IFFO2: variants seen among roughly 807,000 people sequenced by gnomAD.
IFFO2 encodes intermediate filament family orphan 2.
Under a neutral mutation model 53.5 loss-of-function variants are expected in IFFO2, and 19 were observed. The ratio of observed to expected loss-of-function variants is 0.36; its 90% confidence interval spans 0.25 to 0.52. The LOEUF is 0.52. Ranked by LOEUF, IFFO2 falls within the 20% of genes least tolerant of loss-of-function variation. The probability of loss-of-function intolerance (pLI) is 0.94; values close to 1 mark genes in which losing one functional copy is unlikely to be tolerated. For synonymous variants in IFFO2, 303 were observed against 313.6 expected, an observed-to-expected ratio of 0.97 and a Z score of 0.36; for missense variants, 570 against 727.4, an observed-to-expected ratio of 0.78 and a Z score of 2.49.
chr1:18,906,311 C>G lies in IFFO2; in HGVS notation c.*2250G>C, dbSNP rs1043584101. The G allele has an allele frequency of 5.9e-5, 9 of 152,202 alleles. No homozygotes were observed. Among genetic ancestry groups the G allele is most frequent in the Non-Finnish European group, 2.9e-5 (2 of 68,042 alleles). 9.4% of individuals were successfully genotyped at this position (152,202 alleles called of 1,614,324 possible). A position where few individuals can be genotyped will look rare whatever the true frequency, so the allele number is the denominator to read the frequency against. ...TACAAGGAGGAAAGTAAAAATAATA[C>G]CGCCGGACACCGATAACCACAGTAA... On this transcript the variant is annotated 3_prime_UTR_variant, in exon 9 of 9. Coordinates refer to ENST00000455833, the MANE Select transcript of IFFO2 (RefSeq NM_001136265.2).
Position 18,919,576 on chromosome 1 carries a change from T to A in IFFO2, c.822+102A>T, listed in dbSNP as rs1936187421. 1 of 779,870 alleles carries A rather than the reference T, an allele frequency of 1.3e-6. No homozygotes were observed. Among genetic ancestry groups the A allele is most frequent in the Admixed American group, 2.1e-5 (1 of 47,848 alleles). 48.3% of individuals were successfully genotyped at this position (779,870 alleles called of 1,614,324 possible). A position where few individuals can be genotyped will look rare whatever the true frequency, so the allele number is the denominator to read the frequency against. ...ATGGTCAAACACAGCCAGCCAGGAT[T>A]CTAACTAGAAGCCGAGCCCCGGAGC... On this transcript the variant is annotated intron_variant, in intron 3 of 8. Transcript: ENST00000455833. This position sits in a 1 kb window ranked among gnomAD's most constrained non-coding sequence, Gnocchi z 4.9.
rs1935950344 is a variant in IFFO2, at chr1:18,906,475, A to G, written c.*2086T>C. On this transcript the variant is annotated 3_prime_UTR_variant, in exon 9 of 9. Coordinates refer to ENST00000455833, the MANE Select transcript of IFFO2 (RefSeq NM_001136265.2). ...CGAAACTCCCATACCACATTGTCCAATGCCTCCCTCGGCCCTGGACGGAGG... is the reference window on the plus strand; with the variant it reads ...CGAAACTCCCATACCACATTGTCCAGTGCCTCCCTCGGCCCTGGACGGAGG... 2 of 152,120 alleles carry G rather than the reference A, an allele frequency of 1.3e-5. No individual in the cohort carries two copies. Among genetic ancestry groups the G allele is most frequent in the African/African-American group, 4.8e-5 (2 of 41,410 alleles). 9.4% of individuals were successfully genotyped at this position (152,120 alleles called of 1,614,324 possible). A position where few individuals can be genotyped will look rare whatever the true frequency, so the allele number is the denominator to read the frequency against.
At chr1:18,909,553 C>T (rs953431239) in intron 8 of IFFO2, among the ~76,000 whole-genome samples, 9 of 152,116 alleles carry the variant, frequency 5.9e-5, no homozygotes, top group Admixed American at 1.3e-4. Flanking sequence ...GGGGCGGTTT[C>T]CCCCATCCTG....
chr1:18,917,078 G>A lies in IFFO2; in HGVS notation c.964-36C>T. On this transcript the variant is annotated intron_variant, in intron 4 of 8. Transcript: ENST00000455833. The surrounding 1 kb of genome is among the most constrained non-coding windows in gnomAD (Gnocchi z 5.9). The stretch of plus-strand genomic sequence containing the variant: ...AAGGAAGCAATCAAGGTAACTGGGG[G>A]GCTCGGCTAGGATGGAAGGTAGGGG... The A allele has an allele frequency of 1.3e-6, 2 of 1,549,870 alleles. No individual in the cohort carries two copies. Among genetic ancestry groups the A allele is most frequent in the African/African-American group, 1.4e-5 (1 of 73,152 alleles).
intron 1 of IFFO2, among the ~76,000 whole-genome samples, chr1:18,923,989 A>G (rs1181375189): frequency 6.6e-6 from 1 of 152,086 alleles, no homozygotes. Context: ...AAATGATTTC[A>G]CGGGCTTTTT....
chr1:18,924,875 C>G (rs1936260952), intron 1 of IFFO2, among the ~76,000 whole-genome samples: 2 of 152,226 alleles, frequency 1.3e-5, no homozygotes, highest in Admixed American at 1.3e-4. Context: ...CCAGTGCTCT[C>G]TGCAGGGCCT....
intron 1 of IFFO2, among the ~76,000 whole-genome samples, chr1:18,934,889 A>G (rs1428378019): frequency 6.6e-6 from 1 of 152,230 alleles, no homozygotes; most frequent in Non-Finnish European, 1.5e-5. Context: ...AGTCCTTGCA[A>G]TCTAAACAAG....
In IFFO2 at chr1:18,956,267, G is replaced by A. The variant is rs1368731624; in HGVS notation, c.66C>T (p.Gly22=). The part of the protein sequence containing the change: ...LAFGCPPGGG[G]GGCPGGGGGG... ...CGCCGCCCCCGCCAGGGCAGCCCCC[G>A]CCGCCGCCGCCCGGCGGGCAGCCGA... Residue 22 remains glycine, a synonymous_variant, in exon 1 of 9, where the codon GGC becomes GGT. Coordinates refer to ENST00000455833, the MANE Select transcript of IFFO2 (RefSeq NM_001136265.2). This position sits in a 1 kb window ranked among gnomAD's most constrained non-coding sequence, Gnocchi z 6.4. 2.4e-6 allele frequency: 2 copies of A among 825,644 alleles called. No homozygotes were observed. The highest frequency in any genetic ancestry group is 5.2e-5 in the Admixed American group (1 of 19,396). 51.1% of individuals were successfully genotyped at this position (825,644 alleles called of 1,614,324 possible). A position where few individuals can be genotyped will look rare whatever the true frequency, so the allele number is the denominator to read the frequency against.
At chr1:18,925,848 A>ATTGGT (rs1936278377) in intron 1 of IFFO2, among the ~76,000 whole-genome samples, 1 of 45,208 alleles carries the variant, frequency 2.2e-5, no homozygotes, top group Non-Finnish European at 4.4e-5. Flanking sequence ...GGATGGATGG[A>ATTGGT]TGGATTGGTT....
chr1:18,910,614 G>C (rs745981988), intron 7 of IFFO2, 142 bp from the exon 8 acceptor site: 26 of 884,454 alleles, frequency 2.9e-5, no homozygotes, highest in Non-Finnish European at 4.5e-5. Flanking sequence ...CCTGCCTCCG[G>C]ACATCAACCT....
intron 1 of IFFO2, among the ~76,000 whole-genome samples, chr1:18,932,618 A>G (rs1270801834): frequency 6.6e-6 from 1 of 152,224 alleles, no homozygotes; most frequent in Non-Finnish European, 1.5e-5. Flanking sequence ...CACACTTAGC[A>G]CAGTGCCCAG....
intron 5 of IFFO2, among the ~76,000 whole-genome samples, chr1:18,914,841 GCC>G (rs1383768753): frequency 1.6e-5 from 2 of 128,184 alleles, no homozygotes; most frequent in East Asian, 2.4e-4. Flanking sequence ...AAAAAAAAAA[GCC>G]CCTCTTGGCA....
In IFFO2 at chr1:18,917,214, C is replaced by T. The variant is rs1314716011; in HGVS notation, c.964-172G>A. Reference sequence around the variant, plus strand: ...AAGCAGGCGGCGTTAGCAGGAAGCGCGAGGTGGGAGACATGCAGGGGGACA... The same window carrying T: ...AAGCAGGCGGCGTTAGCAGGAAGCGTGAGGTGGGAGACATGCAGGGGGACA... On this transcript the variant is annotated intron_variant, in intron 4 of 8. Transcript: ENST00000455833. The surrounding 1 kb of genome is among the most constrained non-coding windows in gnomAD (Gnocchi z 5.9). Among the ~76,000 whole-genome samples the T allele has an allele frequency of 6.6e-6, 1 of 152,084 alleles. No homozygotes were observed. The highest frequency in any genetic ancestry group is 1.5e-5 in the Non-Finnish European group (1 of 68,032).
chr1:18,955,808 C>G lies in IFFO2; in HGVS notation c.525G>C (p.Val175=), dbSNP rs974197228. The change falls in exon 1 of 9, where the codon GTG becomes GTC. Residue 175 remains valine, a synonymous_variant. Coordinates refer to ENST00000455833, the MANE Select transcript of IFFO2 (RefSeq NM_001136265.2). The stretch of plus-strand genomic sequence containing the variant: ...ACACGCCGGGGCCCTGCACGGTCTC[C>G]ACGCCGCCGCCGCCCGTGCGCCGCA... The part of the protein sequence containing the change: ...TQVRRTGGGG[V]ETVQGPGVSW... 4.6e-6 allele frequency: 7 copies of G among 1,527,364 alleles called. No individual in the cohort carries two copies. Among genetic ancestry groups the G allele is most frequent in the Non-Finnish European group, 6.1e-6 (7 of 1,144,042 alleles). The allele number at this position is 1,527,364 out of a possible 1,614,324, so 94.6% of individuals were successfully genotyped here. A position where few individuals can be genotyped will look rare whatever the true frequency, so the allele number is the denominator to read the frequency against.
chr1:18,953,314 A>T (rs1045114860), intron 1 of IFFO2, among the ~76,000 whole-genome samples: 8 of 152,238 alleles, frequency 5.3e-5, no homozygotes, highest in African/African-American at 1.4e-4. Context: ...TCAACTTTTT[A>T]AAAAATGTTT....
intron 5 of IFFO2, among the ~76,000 whole-genome samples, chr1:18,913,877 C>T (rs1003742751): frequency 1.3e-5 from 2 of 152,212 alleles, no homozygotes; most frequent in South Asian, 4.1e-4. Flanking sequence ...GTCGCCCAGG[C>T]TGGAGTGCAG....
chr1:18,951,563 T>C (rs1012638145), intron 1 of IFFO2, among the ~76,000 whole-genome samples: 3 of 152,174 alleles, frequency 2.0e-5, no homozygotes, highest in African/African-American at 7.2e-5. Flanking sequence ...CCCTGTCTGA[T>C]AGGCAGCTAG....
rs1051982907 is a variant in IFFO2, at chr1:18,905,707, G to C, written c.*2854C>G. ...AGTGCGAGTGTGTGTGTGTGTGTGT[G>C]TGTGTGTGTGTGTATTTCACAACCA... is the stretch of plus-strand genomic sequence containing the variant. On this transcript the variant is annotated 3_prime_UTR_variant, in exon 9 of 9. Coordinates refer to ENST00000455833, the MANE Select transcript of IFFO2 (RefSeq NM_001136265.2). 10 of 149,902 alleles carry C rather than the reference G, an allele frequency of 6.7e-5. No individual in the cohort carries two copies. In the East Asian group the frequency reaches 2.0e-3, roughly 30 times the overall value. 9.3% of individuals were successfully genotyped at this position (149,902 alleles called of 1,614,324 possible).
intron 1 of IFFO2, among the ~76,000 whole-genome samples, chr1:18,949,594 G>A (rs554778906): frequency 6.6e-5 from 10 of 152,362 alleles, no homozygotes; most frequent in African/African-American, 1.4e-4. Context: ...CACAGCCTCC[G>A]GTGTCACTGA....
Sources: allele counts gnomAD v4.1 joint callset (sites outside exome capture counted in the v4.1 genomes callset), GRCh38; gene constraint gnomAD v4.1.1; non-coding constraint Gnocchi (gnomAD v3.1); transcripts MANE v1.5; gene names NCBI Gene and HGNC (gene_info 2026-07-23, HGNC 2026-07-21).